Variants in MRPL42 observed in about 807,000 individuals in gnomAD.
MRPL42 encodes mitochondrial ribosomal protein L42.
In MRPL42, 17 loss-of-function variants were observed where a neutral mutation model predicts 17.9. That is an observed-to-expected ratio of 0.95 (90% CI 0.65 to 1.42). The LOEUF is 1.42. Among genes scored for constraint, MRPL42 ranks in the 40% most tolerant of loss-of-function variants. The pLI, the probability that MRPL42 is intolerant of heterozygous loss-of-function variation, is 0.00. For synonymous variants in MRPL42, 59 were observed against 54.4 expected, an observed-to-expected ratio of 1.08 and a Z score of -0.37; for missense variants, 177 against 175.2, an observed-to-expected ratio of 1.01 and a Z score of -0.06.
chr12:93,503,968 T>C lies in MRPL42; in HGVS notation c.*2747T>C, dbSNP rs1013724521. On this transcript the variant is annotated 3_prime_UTR_variant, in exon 6 of 6. Coordinates refer to ENST00000549982, the MANE Select transcript of MRPL42 (RefSeq NM_014050.4). ...TAACATCCTGGTGGATTATTACCAT[T>C]TTCTTTTTTTATTTTTTTTTTAAAT... 6.7e-6 allele frequency: 1 copy of C among 149,680 alleles called. No homozygotes were observed. Among genetic ancestry groups the C allele is most frequent in the African/African-American group, 2.5e-5 (1 of 40,672 alleles). The allele number at this position is 149,680 out of a possible 1,614,324, so 9.3% of individuals were successfully genotyped here.
At chr12:93,474,940 A>T (rs1880088835) in intron 2 of MRPL42, among the ~76,000 whole-genome samples, 1 of 152,050 alleles carries the variant, frequency 6.6e-6, no homozygotes, top group Non-Finnish European at 1.5e-5. Context: ...TACCAAAAAT[A>T]CAAAAATTAG....
At chr12:93,480,199 C>T (rs1478400599) in intron 4 of MRPL42, among the ~76,000 whole-genome samples, 1 of 152,042 alleles carries the variant, frequency 6.6e-6, no homozygotes, top group Non-Finnish European at 1.5e-5. Context: ...CGGCTCACTG[C>T]AGCCTCCACC....
In MRPL42 at chr12:93,510,916, A is replaced by G. The variant is rs1953720054; in HGVS notation, c.*9695A>G. 3 of 152,182 alleles carry G rather than the reference A, an allele frequency of 2.0e-5. No individual in the cohort carries two copies. In the South Asian group the frequency reaches 6.2e-4, roughly 32 times the overall value. The allele number at this position is 152,182 out of a possible 1,614,324, so 9.4% of individuals were successfully genotyped here. A position where few individuals can be genotyped will look rare whatever the true frequency, so the allele number is the denominator to read the frequency against. On this transcript the variant is annotated 3_prime_UTR_variant, in exon 6 of 6. Coordinates refer to ENST00000549982, the MANE Select transcript of MRPL42 (RefSeq NM_014050.4). ...AAGGAGAGAAAGTTTCAGGCAGGGA[A>G]TGCAATCGATGTGAAGGTTTGGGGT...
chr12:93,498,021 T>G (rs1266541151), intron 5 of MRPL42, among the ~76,000 whole-genome samples: 2 of 59,048 alleles, frequency 3.4e-5, no homozygotes, highest in Non-Finnish European at 6.9e-5. Flanking sequence ...TTGCTGTTTG[T>G]CTGCATAGAA....
At chr12:93,468,214 C>T (rs905987007) in intron 1 of MRPL42, among the ~76,000 whole-genome samples, 4 of 152,128 alleles carry the variant, frequency 2.6e-5, no homozygotes, top group East Asian at 1.9e-4. Context: ...TCAGGGTTAA[C>T]GGTGTTAATG....
In MRPL42 at chr12:93,515,167, T is replaced by A. The variant is rs957004596; in HGVS notation, c.*13946T>A. 3 of 152,182 alleles carry A rather than the reference T, an allele frequency of 2.0e-5. No individual in the cohort carries two copies. Among genetic ancestry groups the A allele is most frequent in the Admixed American group, 1.3e-4 (2 of 15,278 alleles). The allele number at this position is 152,182 out of a possible 1,614,324, so 9.4% of individuals were successfully genotyped here. On this transcript the variant is annotated 3_prime_UTR_variant, in exon 6 of 6. Coordinates refer to ENST00000549982, the MANE Select transcript of MRPL42 (RefSeq NM_014050.4). Reference sequence around the variant, plus strand: ...AGATTTTTGGCAGGGGATGATGCATTCAGAGCCTTCACTCTGGCTACAGGG... The same window carrying A: ...AGATTTTTGGCAGGGGATGATGCATACAGAGCCTTCACTCTGGCTACAGGG...
intron 5 of MRPL42, among the ~76,000 whole-genome samples, chr12:93,489,202 T>C (rs1296873599): frequency 1.3e-5 from 2 of 152,120 alleles, no homozygotes; most frequent in African/African-American, 4.8e-5. Context: ...TCAAGTGTGA[T>C]AGAGCCTTGA....
chr12:93,483,979 C>T (rs1168254957), intron 4 of MRPL42, among the ~76,000 whole-genome samples: 2 of 152,028 alleles, frequency 1.3e-5, no homozygotes, highest in African/African-American at 4.8e-5. Flanking sequence ...TAGGCCCACA[C>T]AGGGTCAGGA....
In MRPL42 at chr12:93,510,609, G is replaced by A. The variant is rs985301435; in HGVS notation, c.*9388G>A. ...TGCTCAACATCCCTGTCAGCACTTG[G>A]TGTTAGTGTTCTGAATTTTGGCCAT... On this transcript the variant is annotated 3_prime_UTR_variant, in exon 6 of 6. Transcript: ENST00000549982. 3.9e-5 allele frequency: 6 copies of A among 152,214 alleles called. No individual in the cohort carries two copies. Among genetic ancestry groups the A allele is most frequent in the Admixed American group, 2.6e-4 (4 of 15,278 alleles). The allele number at this position is 152,214 out of a possible 1,614,324, so 9.4% of individuals were successfully genotyped here.
intron 5 of MRPL42, among the ~76,000 whole-genome samples, chr12:93,490,223 G>T (rs1036552114): frequency 2.0e-5 from 3 of 152,182 alleles, no homozygotes; most frequent in Admixed American, 1.3e-4. Flanking sequence ...TCTTAAAACC[G>T]AGCATGTTGT....
At chr12:93,477,135 T>G (rs745478006) in intron 3 of MRPL42, 118 bp downstream of exon 3, 12 of 759,510 alleles carry the variant, frequency 1.6e-5, no homozygotes, top group Non-Finnish European at 2.2e-5. Context: ...TCCTTAATTT[T>G]GTTTTTAAAA....
chr12:93,484,663 C>G (rs550841663), intron 4 of MRPL42, among the ~76,000 whole-genome samples: 1 of 152,026 alleles, frequency 6.6e-6, no homozygotes, highest in East Asian at 1.9e-4. Flanking sequence ...GTGGCATGAT[C>G]TTGGCTCACT....
chr12:93,487,819 C>A, intron 5 of MRPL42, 159 bp downstream of exon 5: 1 of 605,804 alleles, frequency 1.7e-6, no homozygotes, highest in Non-Finnish European at 2.7e-6. Context: ...TTTTCTGAGA[C>A]AGGATCTCGC....
Position 93,469,193 on chromosome 12 carries a change from A to T in MRPL42, c.-93A>T. 1.1e-6 allele frequency: 1 copy of T among 908,398 alleles called. No individual in the cohort carries two copies. The highest frequency in any genetic ancestry group is 1.7e-6 in the Non-Finnish European group (1 of 582,454). 56.3% of individuals were successfully genotyped at this position (908,398 alleles called of 1,614,324 possible). ...GATTTTTCTTTATCTCTTCAGCAGG[A>T]GTAGAAATTGGTATGCTTAGAAGCA... On this transcript the variant is annotated splice_region_variant and 5_prime_UTR_variant, in exon 2 of 6. Transcript: ENST00000549982.
chr12:93,501,717 G>A lies in MRPL42; in HGVS notation c.*496G>A, dbSNP rs1953598160. The A allele has an allele frequency of 6.6e-6, 1 of 152,132 alleles. No individual in the cohort carries two copies. Among genetic ancestry groups the A allele is most frequent in the African/African-American group, 2.4e-5 (1 of 41,424 alleles). The allele number at this position is 152,132 out of a possible 1,614,324, so 9.4% of individuals were successfully genotyped here. ...TTTTTGTGTGTCTACTGTGATTTAAGTATTTTTAATCATCAGCCAAGCATT... is the reference window on the plus strand; with the variant it reads ...TTTTTGTGTGTCTACTGTGATTTAAATATTTTTAATCATCAGCCAAGCATT... On this transcript the variant is annotated 3_prime_UTR_variant, in exon 6 of 6. Coordinates refer to ENST00000549982, the MANE Select transcript of MRPL42 (RefSeq NM_014050.4).
In MRPL42 at chr12:93,503,617, C is replaced by CA. The variant is rs34873773; in HGVS notation, c.*2399dup. On this transcript the variant is annotated 3_prime_UTR_variant, in exon 6 of 6. Transcript: ENST00000549982. ...CAGGCTGGTCTTGAACTCCTGGGCTCAAAGCGATCCACCCACCTTGGCCTC... is the reference window on the plus strand; with the variant it reads ...CAGGCTGGTCTTGAACTCCTGGGCTCAAAAGCGATCCACCCACCTTGGCCTC... The CA allele has an allele frequency of 6.6e-6, 1 of 151,544 alleles. No homozygotes were observed. Among genetic ancestry groups the CA allele is most frequent in the Non-Finnish European group, 1.5e-5 (1 of 67,948 alleles). 9.4% of individuals were successfully genotyped at this position (151,544 alleles called of 1,614,324 possible).
In MRPL42 at chr12:93,503,048, G is replaced by C. The variant is rs1463569494; in HGVS notation, c.*1827G>C. 2 of 152,162 alleles carry C rather than the reference G, an allele frequency of 1.3e-5. No individual in the cohort carries two copies. Among genetic ancestry groups the C allele is most frequent in the African/African-American group, 4.8e-5 (2 of 41,426 alleles). 9.4% of individuals were successfully genotyped at this position (152,162 alleles called of 1,614,324 possible). A position where few individuals can be genotyped will look rare whatever the true frequency, so the allele number is the denominator to read the frequency against. On this transcript the variant is annotated 3_prime_UTR_variant, in exon 6 of 6. Transcript: ENST00000549982. ...CCCCGTCCCCCAGGGATAAGAACCT[G>C]TTATCCACCATCAGTAACATTTTAT...
intron 5 of MRPL42, among the ~76,000 whole-genome samples, chr12:93,497,358 A>C (rs1953524611): frequency 6.6e-6 from 1 of 152,250 alleles, no homozygotes; most frequent in African/African-American, 2.4e-5. Flanking sequence ...CAAATCTAGC[A>C]GCACATCAAA....
intron 2 of MRPL42, chr12:93,470,623 T>C: frequency 8.9e-7 from 1 of 1,123,378 alleles, no homozygotes; most frequent in Non-Finnish European, 1.1e-6. Flanking sequence ...CATCCCTCCA[T>C]TCTGTTTTGA....
Sources: gnomAD v4.1 joint callset for allele counts (sites outside exome capture counted in the v4.1 genomes callset) on GRCh38, gnomAD v4.1.1 for gene constraint, MANE v1.5 for transcripts, NCBI Gene and HGNC (gene_info 2026-07-23, HGNC 2026-07-21) for gene names.